The following LAMA1 variants were observed in gnomAD, a reference collection of about 807,000 sequenced individuals.
The protein encoded by LAMA1 is laminin subunit alpha 1.
LAMA1 carries 219 observed loss-of-function variants against 348.7 expected under a neutral mutation model. The ratio of observed to expected loss-of-function variants is 0.63; its 90% CI spans 0.56 to 0.70. LAMA1 has a LOEUF of 0.70. Among genes scored for constraint, LAMA1 ranks in the 30% least tolerant of loss-of-function variants. The pLI, the probability that LAMA1 is intolerant of heterozygous loss-of-function variation, is 0.00. For missense variants in LAMA1, 3,744 were observed against 3,888.0 expected, an observed-to-expected ratio of 0.96 and a Z score of 0.99; for synonymous variants, 1,487 against 1,491.0, an observed-to-expected ratio of 1.00 and a Z score of 0.06.
chr18:6,953,158 GTC>G (rs2057557491), intron 57 of LAMA1, among the ~76,000 whole-genome samples: 1 of 149,594 alleles, frequency 6.7e-6, no homozygotes, highest in African/African-American at 2.6e-5. Context: ...TGGGAGCCAT[GTC>G]TGCCTGTGTC....
At chr18:7,108,746 A>C (rs1362555226) in intron 1 of LAMA1, among the ~76,000 whole-genome samples, 1 of 148,804 alleles carries the variant, frequency 6.7e-6, no homozygotes, top group Non-Finnish European at 1.5e-5. Context: ...AGTTCTCCCC[A>C]CTCCAAACTT....
chr18:7,049,015 T>C (rs2058052460), intron 5 of LAMA1, 63 bp downstream of exon 5: 2 of 1,485,742 alleles, frequency 1.3e-6, no homozygotes, highest in Non-Finnish European at 1.9e-6. Flanking sequence ...AGAAAAATAA[T>C]AGTTCCTTTA....
chr18:7,039,029 G>C, intron 10 of LAMA1, 79 bp from the exon 11 acceptor site: 5 of 1,180,264 alleles, frequency 4.2e-6, no homozygotes, highest in South Asian at 3.6e-5. Flanking sequence ...AACAAGATAG[G>C]TGTTCGGTGA....
At position 6,982,525 on chromosome 18, in the gene LAMA1, T is replaced by C. The variant is rs1366426629; in HGVS notation, c.5862A>G (p.Glu1954=). ...AVQRSSRFLK[E]GNNLSRKLPG... is the part of the protein sequence containing the mutation. The stretch of plus-strand genomic sequence containing the variant: ...GAAGCTTCCTGCTGAGGTTGTTGCC[T>C]TCTTTTAGAAATCTGGAGCTGCGCT... Residue 1954 remains glutamate (E), a synonymous_variant, in exon 41 of 63, where the codon GAA becomes GAG. Transcript: ENST00000389658. 7 of 1,614,076 alleles carry C rather than the reference T, an allele frequency of 4.3e-6. No homozygotes were observed. The highest frequency in any genetic ancestry group is 5.1e-6 in the Non-Finnish European group (6 of 1,180,046).
intron 55 of LAMA1, among the ~76,000 whole-genome samples, chr18:6,958,106 T>C (rs1158965336): frequency 6.6e-6 from 1 of 152,172 alleles, no homozygotes; most frequent in East Asian, 1.9e-4. Flanking sequence ...CTGAAGCTGC[T>C]AGTAGCCCCA....
chr18:7,066,247 G>A (rs1454520915), intron 3 of LAMA1, among the ~76,000 whole-genome samples: 1 of 152,170 alleles, frequency 6.6e-6, no homozygotes, highest in African/African-American at 2.4e-5. Flanking sequence ...GAATGACGTG[G>A]ATACAAATCG....
intron 35 of LAMA1, 21 bp from the exon 36 acceptor site, chr18:6,992,741 T>A: frequency 6.2e-7 from 1 of 1,602,490 alleles, no homozygotes; most frequent in East Asian, 2.2e-5. Flanking sequence ...AATTCATCAA[T>A]TATTTAATAA....
chr18:7,007,120 C>T lies in LAMA1; in HGVS notation c.4260+19G>A, dbSNP rs1394860937. The T allele has an allele frequency of 3.1e-6, 5 of 1,613,422 alleles. No individual in the cohort carries two copies. Among genetic ancestry groups the T allele is most frequent in the East Asian group, 2.2e-5 (1 of 44,866 alleles). On this transcript the variant is annotated intron_variant, in intron 29 of 62. Transcript: ENST00000389658. ...CTTTACTTCTAAACTCAGGCAAGCACCCCCACAAACCAGCATACCAGACAC... is the reference window on the plus strand; with the variant it reads ...CTTTACTTCTAAACTCAGGCAAGCATCCCCACAAACCAGCATACCAGACAC...
chr18:7,030,105 A>G (rs1025298538), intron 16 of LAMA1, among the ~76,000 whole-genome samples: 1 of 152,146 alleles, frequency 6.6e-6, no homozygotes, highest in Non-Finnish European at 1.5e-5. Context: ...GAAGGGAGAA[A>G]TAGTAACTTC....
chr18:7,008,474 T>C lies in LAMA1; in HGVS notation c.4122+14A>G, dbSNP rs767772342. On this transcript the variant is annotated intron_variant, in intron 28 of 62. Coordinates refer to ENST00000389658, the MANE Select transcript of LAMA1 (RefSeq NM_005559.4). Reference sequence around the variant, plus strand: ...TCAAACCCAGGAAATAGATTTCGACTAGAGTCTCCGTACCTGACATGAGAA... The same window carrying C: ...TCAAACCCAGGAAATAGATTTCGACCAGAGTCTCCGTACCTGACATGAGAA... 2 of 1,613,876 alleles carry C rather than the reference T, an allele frequency of 1.2e-6. No individual in the cohort carries two copies. Among genetic ancestry groups the C allele is most frequent in the Admixed American group, 3.3e-5 (2 of 60,016 alleles).
intron 13 of LAMA1, among the ~76,000 whole-genome samples, chr18:7,035,298 G>A (rs970786572): frequency 2.0e-5 from 3 of 152,136 alleles, no homozygotes; most frequent in African/African-American, 7.2e-5. Flanking sequence ...ATGGCAACAC[G>A]TCTACTGTCC....
chr18:6,949,129 G>A lies in LAMA1; in HGVS notation c.8528C>T (p.Ser2843Phe), dbSNP rs751610284. 10 of 1,614,170 alleles carry A rather than the reference G, an allele frequency of 6.2e-6. No homozygotes were observed. In the South Asian group the frequency reaches 7.7e-5, roughly 12 times the overall value. ...TCCAATTTTCCTGGCCTGGTACTGGGAGGGCAGGCCTCCTAGGTAGAACAA... is the reference window on the plus strand; with the variant it reads ...TCCAATTTTCCTGGCCTGGTACTGGAAGGGCAGGCCTCCTAGGTAGAACAA... The part of the protein sequence containing the change: ...EGLFYLGGLP[S>F]QYQARKIGNI... The change falls in exon 59 of 63, where the codon TCC (serine) becomes TTC (phenylalanine). Residue 2843 changes from serine (S) to phenylalanine (F), a missense_variant. Physicochemically the swap from Ser to Phe is radical, Grantham distance 155. Transcript: ENST00000389658.
intron 19 of LAMA1, among the ~76,000 whole-genome samples, chr18:7,020,265 G>GAGGCAGGAGGTGAACCTGACGATC (rs1229238868): frequency 6.6e-6 from 1 of 152,170 alleles, no homozygotes; most frequent in Non-Finnish European, 1.5e-5. Context: ...CCCCACAGCA[G>GAGGCAGGAGGTGAACCTGACGATC]AGGCAGGAGG....
At chr18:7,092,985 CA>C (rs1414896369) in intron 1 of LAMA1, among the ~76,000 whole-genome samples, 1 of 152,142 alleles carries the variant, frequency 6.6e-6, no homozygotes, top group Admixed American at 6.5e-5. Context: ...TATATTTTCC[CA>C]AAATGTGGTC....
At chr18:7,111,856 T>C (rs924236977) in intron 1 of LAMA1, among the ~76,000 whole-genome samples, 2 of 152,234 alleles carry the variant, frequency 1.3e-5, no homozygotes, top group African/African-American at 4.8e-5. Flanking sequence ...AGTTCCACAG[T>C]TCTGTCCAGT....
intron 14 of LAMA1, among the ~76,000 whole-genome samples, chr18:7,033,455 CAA>C (rs10686154): frequency 1.2e-4 from 13 of 109,848 alleles, no homozygotes; most frequent in Admixed American, 3.0e-4. Flanking sequence ...GACTCTGTCT[CAA>C]AAAAAAAAAA....
chr18:6,999,990 G>T lies in LAMA1; in HGVS notation c.4390C>A (p.Pro1464Thr). Residue 1464 changes from proline (P) to threonine (T), a missense_variant, in exon 31 of 63, where the codon CCC becomes ACC. By Grantham distance (38) the Pro-to-Thr change is conservative. This residue lies in a region of LAMA1 where 1,983 missense variants were observed against 1,934.3 expected (regional missense o/e 1.03). Transcript: ENST00000389658. Reference protein sequence around the residue: ...CPHSPPASFSPTCVLEGDHDF... With the variant: ...CPHSPPASFSTTCVLEGDHDF... ...TGGTCCCCTTCCAAGACACAAGTGG[G>T]ACTAAAACTGGAGGAAAAGAATTTC... The T allele has an allele frequency of 1.2e-6, 2 of 1,612,154 alleles. No individual in the cohort carries two copies. The highest frequency in any genetic ancestry group is 1.7e-6 in the Non-Finnish European group (2 of 1,178,278).
Position 7,046,332 on chromosome 18 carries a change from G to A in LAMA1, c.804C>T (p.Gly268=), listed in dbSNP as rs1161305655. ...TAGCATGGCCATAGCAGATACACAT[G>A]CCTCCAACAGAAATGTCCTTTATTG... is the stretch of plus-strand genomic sequence containing the variant. ...YYSIKDISVG[G]MCICYGHASS... is the part of the protein sequence containing the mutation. Residue 268 remains glycine, a synonymous_variant, in exon 6 of 63, where the codon GGC becomes GGT. Coordinates refer to ENST00000389658, the MANE Select transcript of LAMA1 (RefSeq NM_005559.4). The A allele has an allele frequency of 3.1e-6, 5 of 1,610,070 alleles. No homozygotes were observed. The Admixed American group carries it at 8.4e-5, about 27-fold the overall frequency.
intron 1 of LAMA1, among the ~76,000 whole-genome samples, chr18:7,101,433 C>T (rs2058290708): frequency 6.6e-6 from 1 of 151,992 alleles, no homozygotes; most frequent in South Asian, 2.1e-4. Context: ...GTCTGAATAC[C>T]CAAAAAGACA....
Sources: allele counts gnomAD v4.1 joint callset (sites outside exome capture counted in the v4.1 genomes callset), GRCh38; gene constraint gnomAD v4.1.1; regional missense constraint gnomAD v4.1.1; transcripts MANE v1.5; gene names NCBI Gene and HGNC (gene_info 2026-07-23, HGNC 2026-07-21).